Variants in KCNAB1 observed in about 807,000 individuals in gnomAD.
The protein encoded by KCNAB1 is voltage-gated potassium channel subunit beta-1.
Under a neutral mutation model 64.6 loss-of-function variants are expected in KCNAB1, and 35 were observed. That is an observed-to-expected ratio of 0.54 (90% CI 0.41 to 0.72). KCNAB1 has a LOEUF of 0.72. Among genes scored for constraint, KCNAB1 ranks in the 30% least tolerant of loss-of-function variants. The pLI, the probability that KCNAB1 is intolerant of heterozygous loss-of-function variation, is 0.00. For synonymous variants in KCNAB1, 177 were observed against 183.8 expected, an observed-to-expected ratio of 0.96 and a Z score of 0.30; for missense variants, 401 against 512.9, an observed-to-expected ratio of 0.78 and a Z score of 2.11.
At chr3:156,176,507 G>T in intron 1 of KCNAB1, 1 of 795,642 alleles carries the variant, frequency 1.3e-6, no homozygotes, top group Non-Finnish European at 2.3e-6. Context: ...ATCCCACACA[G>T]CCACAGTTTT....
At chr3:156,226,703 GA>G in intron 1 of KCNAB1, among the ~76,000 whole-genome samples, 1 of 70,444 alleles carries the variant, frequency 1.4e-5, no homozygotes, top group East Asian at 8.4e-4. Flanking sequence ...TTGAAATCAA[GA>G]AAAAGAAAAA....
chr3:156,422,850 C>T (rs1165010493), intron 2 of KCNAB1, among the ~76,000 whole-genome samples: 1 of 151,424 alleles, frequency 6.6e-6, no homozygotes, highest in Non-Finnish European at 1.5e-5. Flanking sequence ...GAGGAGGAGC[C>T]AAAGAAAGCT....
chr3:156,416,054 C>CA (rs1715048568), intron 1 of KCNAB1, among the ~76,000 whole-genome samples: 1 of 152,154 alleles, frequency 6.6e-6, no homozygotes. Flanking sequence ...CCCTCATATT[C>CA]AATCAAAATA....
rs115667462 is a variant in KCNAB1 at position 156,348,501 on chromosome 3, T to C, written c.276-73115T>C. On this transcript the variant is annotated intron_variant, in intron 1 of 13. Coordinates refer to ENST00000490337, the MANE Select transcript of KCNAB1 (RefSeq NM_172160.3). ...CAGGACTCCTCCCAGGTTGCTAGCCTGAGATGCGGGGATGGTGGTGCCATT... is the reference window on the plus strand; with the variant it reads ...CAGGACTCCTCCCAGGTTGCTAGCCCGAGATGCGGGGATGGTGGTGCCATT... Among the ~76,000 whole-genome samples the C allele has an allele frequency of 9.9e-3, 1,500 of 152,222 alleles. 21 individuals are homozygous for C. The highest frequency in any genetic ancestry group is 0.034 in the African/African-American group (1,419 of 41,524).
intron 1 of KCNAB1, among the ~76,000 whole-genome samples, chr3:156,365,869 G>T (rs1056729291): frequency 6.6e-6 from 1 of 152,156 alleles, no homozygotes; most frequent in African/African-American, 2.4e-5. Flanking sequence ...AAGGCAAACA[G>T]GTTTTTAAAA....
intron 8 of KCNAB1, among the ~76,000 whole-genome samples, chr3:156,502,524 C>T (rs1034711334): frequency 7.4e-6 from 1 of 134,924 alleles, no homozygotes; most frequent in Non-Finnish European, 1.6e-5. Flanking sequence ...CAGATCCCTA[C>T]CTTACAACCA....
intron 1 of KCNAB1, among the ~76,000 whole-genome samples, chr3:156,244,672 AC>A (rs1335601670): frequency 1.3e-5 from 2 of 152,052 alleles, no homozygotes; most frequent in Non-Finnish European, 2.9e-5. Context: ...TGATTTTCTG[AC>A]TTAACCCTGA....
At chr3:156,494,973 G>A (rs1256330399) in intron 8 of KCNAB1, among the ~76,000 whole-genome samples, 1 of 152,010 alleles carries the variant, frequency 6.6e-6, no homozygotes, top group Non-Finnish European at 1.5e-5. Flanking sequence ...GCATGACCCA[G>A]GTATTAAGGC....
chr3:156,147,691 G>C (rs974773204), intron 1 of KCNAB1, among the ~76,000 whole-genome samples: 2 of 152,092 alleles, frequency 1.3e-5, no homozygotes, highest in Non-Finnish European at 1.5e-5. Context: ...AAGAAGAAAG[G>C]GAAAAGTAGA....
At chr3:156,345,073 G>A (rs541858059) in intron 1 of KCNAB1, among the ~76,000 whole-genome samples, 2 of 152,266 alleles carry the variant, frequency 1.3e-5, no homozygotes, top group African/African-American at 4.8e-5. Context: ...TACCTTAATT[G>A]CATGCTGTGT....
intron 13 of KCNAB1, among the ~76,000 whole-genome samples, chr3:156,532,006 T>C (rs1288501351): frequency 5.0e-5 from 2 of 39,724 alleles, no homozygotes; most frequent in Non-Finnish European, 4.5e-5. Context: ...GTGTCTTTGC[T>C]TTTCCACGGT....
chr3:156,316,178 T>C (rs773783349), intron 1 of KCNAB1, among the ~76,000 whole-genome samples: 1 of 152,210 alleles, frequency 6.6e-6, no homozygotes, highest in Non-Finnish European at 1.5e-5. Flanking sequence ...ACAAGTCTTA[T>C]TTCCCGCATT....
intron 1 of KCNAB1, among the ~76,000 whole-genome samples, chr3:156,155,281 C>A (rs1715651916): frequency 1.3e-5 from 2 of 152,206 alleles, no homozygotes; most frequent in Non-Finnish European, 2.9e-5. Context: ...GAGTTATGCA[C>A]AATTCCAGGC....
chr3:156,340,154 A>T (rs1237523096), intron 1 of KCNAB1, among the ~76,000 whole-genome samples: 1 of 152,166 alleles, frequency 6.6e-6, no homozygotes, highest in Non-Finnish European at 1.5e-5. Context: ...TTGCCTGGAT[A>T]TCAGCCCTAC....
At chr3:156,131,232 C>T (rs1331585163) in intron 1 of KCNAB1, among the ~76,000 whole-genome samples, 1 of 152,166 alleles carries the variant, frequency 6.6e-6, no homozygotes. Context: ...GGAGCACTTA[C>T]TCATATTTCT....
In KCNAB1 at chr3:156,452,835, C is replaced by A; in HGVS notation, c.320-64C>A. 1.6e-6 allele frequency: 2 copies of A among 1,268,048 alleles called. No homozygotes were observed. The highest frequency in any genetic ancestry group is 1.5e-5 in the African/African-American group (1 of 67,066). 78.5% of individuals were successfully genotyped at this position (1,268,048 alleles called of 1,614,324 possible). On this transcript the variant is annotated intron_variant, in intron 2 of 13. Transcript: ENST00000490337. This position sits in a 1 kb window ranked among gnomAD's most constrained non-coding sequence, Gnocchi z 4.6. ...GAGGTAGTCCCAAAGTAAGAATTTC[C>A]CTTATTACGCACAATATTAGAAAAA... is the stretch of plus-strand genomic sequence containing the variant.
intron 1 of KCNAB1, among the ~76,000 whole-genome samples, chr3:156,180,814 A>C (rs1712756052): frequency 6.6e-6 from 1 of 152,200 alleles, no homozygotes; most frequent in Admixed American, 6.5e-5. Flanking sequence ...GAGAACAGAA[A>C]TGTCACATGA....
At chr3:156,272,249 A>G (rs1719079964) in intron 1 of KCNAB1, among the ~76,000 whole-genome samples, 1 of 152,236 alleles carries the variant, frequency 6.6e-6, no homozygotes, top group Non-Finnish European at 1.5e-5. Context: ...TGTACAATCA[A>G]TTGGTGGCAA....
intron 1 of KCNAB1, among the ~76,000 whole-genome samples, chr3:156,393,777 T>C (rs956143374): frequency 1.3e-5 from 2 of 152,214 alleles, no homozygotes; most frequent in African/African-American, 4.8e-5. Flanking sequence ...ATGTTCAAAA[T>C]AAAATAGCTA....
Sources: gnomAD v4.1 joint callset for allele counts (sites outside exome capture counted in the v4.1 genomes callset) on GRCh38, gnomAD v4.1.1 for gene constraint, Gnocchi (gnomAD v3.1) non-coding constraint, MANE v1.5 for transcripts, NCBI Gene and HGNC (gene_info 2026-07-23, HGNC 2026-07-21) for gene names.